The following ELP3 variants were observed in gnomAD, a reference collection of about 807,000 sequenced individuals.
ELP3 encodes the protein elongator complex protein 3.
Under a neutral mutation model 74.9 loss-of-function variants are expected in ELP3, and 56 were observed. The ratio of observed to expected loss-of-function variants is 0.75; its 90% CI spans 0.60 to 0.93. ELP3 has a LOEUF of 0.93. Ranked by LOEUF, ELP3 falls within the 40% of genes least tolerant of loss-of-function variation. The pLI is 0.00. For missense variants in ELP3, 573 were observed against 686.5 expected (o/e 0.83, Z 1.85); for synonymous variants, 222 against 239.8 (o/e 0.93, Z 0.68).
chr8:28,137,875 G>A lies in ELP3; in HGVS notation c.1084G>A (p.Val362Met). The A allele has an allele frequency of 1.9e-6, 3 of 1,610,468 alleles. No individual in the cohort carries two copies. The highest frequency in any genetic ancestry group is 1.7e-4 in the Middle Eastern group (1 of 6,012). Reference protein sequence around the residue: ...ILALVPPWTRVYRVQRDIPMP... With the variant: ...ILALVPPWTRMYRVQRDIPMP... The stretch of plus-strand genomic sequence containing the variant: ...AGCCCTCGTGCCTCCATGGACTCGA[G>A]TGTACCGAGTACAGAGGTAGTGTGT... Residue 362 changes from valine to methionine, a missense_variant, in exon 10 of 15, where the codon GTG becomes ATG. Physicochemically the swap from Val to Met is conservative, Grantham distance 21 (BLOSUM62 1). Transcript: ENST00000256398.
At chr8:28,149,284 C>T (rs528735464) in intron 10 of ELP3, among the ~76,000 whole-genome samples, 1 of 152,328 alleles carries the variant, frequency 6.6e-6, no homozygotes, top group South Asian at 2.1e-4. Flanking sequence ...GAAGTATTCC[C>T]TCTGCTTCTG....
At chr8:28,161,954 T>C in intron 13 of ELP3, 43 bp from the exon 14 acceptor site, 1 of 1,600,034 alleles carries the variant, frequency 6.2e-7, no homozygotes, top group Non-Finnish European at 8.6e-7. Flanking sequence ...TTAATGAACT[T>C]CCTTCCTTTT....
chr8:28,149,766 T>C (rs1813571531), intron 10 of ELP3, among the ~76,000 whole-genome samples: 1 of 152,170 alleles, frequency 6.6e-6, no homozygotes, highest in Non-Finnish European at 1.5e-5. Context: ...GATTTTTTAT[T>C]TTAGATTATT....
chr8:28,183,087 G>T (rs1049846915), intron 14 of ELP3: 6 of 455,090 alleles, frequency 1.3e-5, no homozygotes, highest in South Asian at 6.2e-5. Flanking sequence ...CTTTCCATGG[G>T]TCTATCTATA....
At chr8:28,136,066 A>G (rs1486092141) in intron 9 of ELP3, among the ~76,000 whole-genome samples, 2 of 151,508 alleles carry the variant, frequency 1.3e-5, no homozygotes, top group Admixed American at 1.3e-4. Context: ...GGTTCAAGCA[A>G]TTCTCGTGCC....
intron 10 of ELP3, among the ~76,000 whole-genome samples, chr8:28,140,669 T>C (rs1327575743): frequency 6.6e-6 from 1 of 152,204 alleles, no homozygotes; most frequent in Non-Finnish European, 1.5e-5. Flanking sequence ...GCCAATGTCC[T>C]TCTTGCAGTC....
In ELP3 at chr8:28,147,613, A is replaced by G. The variant is rs1813482177; in HGVS notation, c.1101-8329A>G. Among the ~76,000 whole-genome samples, 1 of 152,218 alleles carries G rather than the reference A, an allele frequency of 6.6e-6. No homozygotes were observed. Among genetic ancestry groups the G allele is most frequent in the East Asian group, 1.9e-4 (1 of 5,208 alleles). ...AGAAATAGTTATAGCGTGTATGTTT[A>G]TATATATAAATATATGTCTCTCTCT... On this transcript the variant is annotated intron_variant, in intron 10 of 14. Transcript: ENST00000256398. This position sits in a 1 kb window ranked among gnomAD's most constrained non-coding sequence, Gnocchi z 4.5.
At chr8:28,159,488 C>T (rs969710183) in intron 12 of ELP3, among the ~76,000 whole-genome samples, 6 of 152,128 alleles carry the variant, frequency 3.9e-5, no homozygotes, top group South Asian at 2.1e-4. Flanking sequence ...CCCCATCTAC[C>T]GAGTGTTTCT....
chr8:28,111,538 A>G (rs1811915255), intron 6 of ELP3, among the ~76,000 whole-genome samples: 1 of 152,128 alleles, frequency 6.6e-6, no homozygotes, highest in African/African-American at 2.4e-5. Flanking sequence ...TTTAATATCC[A>G]CTTTGCTGTC....
In ELP3 at chr8:28,107,964, C is replaced by T. The variant is rs757389948; in HGVS notation, c.381C>T (p.Tyr127=). ...ATTTTGAGTATTCCACCCAGTCTTA[C>T]ACTGGCTATGAGGTACAGTAACTTT... ...DSDFEYSTQS[Y]TGYEPTSMRA... is the part of the protein sequence containing the mutation. The change falls in exon 5 of 15, where the codon TAC becomes TAT. Residue 127 remains tyrosine (Y), a synonymous_variant. Coordinates refer to ENST00000256398, the MANE Select transcript of ELP3 (RefSeq NM_018091.6). 3 of 1,613,642 alleles carry T rather than the reference C, an allele frequency of 1.9e-6. No individual in the cohort carries two copies. Among genetic ancestry groups the T allele is most frequent in the South Asian group, 2.2e-5 (2 of 91,060 alleles).
At chr8:28,103,280 A>G (rs1266153178) in intron 3 of ELP3, among the ~76,000 whole-genome samples, 1 of 152,188 alleles carries the variant, frequency 6.6e-6, no homozygotes, top group Non-Finnish European at 1.5e-5. Context: ...TGTCTTTAAT[A>G]AAGTTTGCTT....
At chr8:28,145,007 A>G (rs1160157200) in intron 10 of ELP3, among the ~76,000 whole-genome samples, 1 of 152,232 alleles carries the variant, frequency 6.6e-6, no homozygotes, top group Non-Finnish European at 1.5e-5. Context: ...GTGCCACTGC[A>G]CTCAGCCTGG....
chr8:28,176,354 CCAGGA>C (rs1814752684), intron 14 of ELP3, among the ~76,000 whole-genome samples: 1 of 152,202 alleles, frequency 6.6e-6, no homozygotes, highest in Non-Finnish European at 1.5e-5. Flanking sequence ...ACTGGTCCTT[CCAGGA>C]ACCTCCAAAG....
At chr8:28,106,197 A>G (rs561911029) in intron 3 of ELP3, among the ~76,000 whole-genome samples, 1 of 152,342 alleles carries the variant, frequency 6.6e-6, no homozygotes, top group African/African-American at 2.4e-5. Context: ...CAATTTAAAG[A>G]TGATTAATAT....
intron 8 of ELP3, 27 bp downstream of exon 8, chr8:28,129,690 C>T: frequency 6.2e-7 from 1 of 1,612,312 alleles, no homozygotes; most frequent in East Asian, 2.2e-5. Context: ...TGATCTTGCA[C>T]AAGTCTTCCT....
At chr8:28,140,423 T>C (rs1813191871) in intron 10 of ELP3, among the ~76,000 whole-genome samples, 1 of 152,142 alleles carries the variant, frequency 6.6e-6, no homozygotes, top group Non-Finnish European at 1.5e-5. Context: ...AATTAATAAA[T>C]TGTAAGTGTG....
At chr8:28,188,769 TATGACAA>T (rs562882323) in intron 14 of ELP3, among the ~76,000 whole-genome samples, 28 of 152,300 alleles carry the variant, frequency 1.8e-4, no homozygotes, top group African/African-American at 6.7e-4. Context: ...TGTGAGCCAT[TATGACAA>T]ATTATCAAAT....
chr8:28,093,821 G>C (rs1397401718), intron 1 of ELP3, among the ~76,000 whole-genome samples: 1 of 152,078 alleles, frequency 6.6e-6, no homozygotes, highest in Non-Finnish European at 1.5e-5. Context: ...TTGACCAGCT[G>C]GTCTAATCAT....
Position 28,107,981 on chromosome 8 carries a change from A to G in ELP3, c.393+5A>G, listed in dbSNP as rs1811762832. On this transcript the variant is annotated splice_donor_5th_base_variant and intron_variant, in intron 5 of 14. Transcript: ENST00000256398. ...CAGTCTTACACTGGCTATGAGGTAC[A>G]GTAACTTTGAGGCTGTCCTGATGAA... 6.2e-7 allele frequency: 1 copy of G among 1,612,364 alleles called. No homozygotes were observed. The highest frequency in any genetic ancestry group is 2.2e-5 in the East Asian group (1 of 44,832).
Sources: allele counts gnomAD v4.1 joint callset (sites outside exome capture counted in the v4.1 genomes callset), GRCh38; gene constraint gnomAD v4.1.1; non-coding constraint Gnocchi (gnomAD v3.1); transcripts MANE v1.5; gene names NCBI Gene and HGNC (gene_info 2026-07-23, HGNC 2026-07-21).